The following CCDC81 variants were observed in gnomAD, a reference collection of about 807,000 sequenced individuals.
The protein encoded by CCDC81 is coiled-coil domain-containing protein 81.
CCDC81 carries 79 observed loss-of-function variants against 83.7 expected under a neutral mutation model. That is an observed-to-expected ratio of 0.94 (90% confidence interval 0.79 to 1.14). The LOEUF is 1.14. CCDC81 is among the 50% of genes most tolerant of loss of function. CCDC81 has a pLI of 0.00. For missense variants in CCDC81, 791 were observed against 778.1 expected, an observed-to-expected ratio of 1.02 and a Z score of -0.20; for synonymous variants, 252 against 278.1, an observed-to-expected ratio of 0.91 and a Z score of 0.93.
At chr11:86,395,556 A>G (rs1199433950) in intron 5 of CCDC81, 143 bp downstream of exon 5, 2 of 635,464 alleles carry the variant, frequency 3.1e-6, no homozygotes, top group East Asian at 5.6e-5. Context: ...TAAATCCACC[A>G]ACAAAGAAGA....
intron 6 of CCDC81, among the ~76,000 whole-genome samples, chr11:86,400,084 T>C (rs886213428): frequency 6.7e-6 from 1 of 149,808 alleles, no homozygotes; most frequent in Admixed American, 6.7e-5. Context: ...TGAGCTGAGA[T>C]TGGGTTACTG....
Position 86,398,688 on chromosome 11 carries a change from G to A in CCDC81, c.757+946G>A, listed in dbSNP as rs141009554. ...GCGTCCAAGCTATTCTCCTGCATCA[G>A]CCTCCCTGGAAGTAGCTGGGACTAC... is the stretch of plus-strand genomic sequence containing the variant. On this transcript the variant is annotated intron_variant, in intron 6 of 14. Transcript: ENST00000445632. 3.5e-3 allele frequency among the ~76,000 whole-genome samples: 531 copies of A among 152,222 alleles called. 4 individuals carry two copies. Among genetic ancestry groups the A allele is most frequent in the South Asian group, 0.016 (79 of 4,824 alleles).
rs1376878121 is a variant in CCDC81, at chr11:86,414,817, A to G, written c.1420A>G (p.Lys474Glu). The change falls in exon 12 of 15, where the codon AAA becomes GAA. Residue 474 changes from lysine (K) to glutamate (E), a missense_variant. Coordinates refer to ENST00000445632, the MANE Select transcript of CCDC81 (RefSeq NM_001156474.2). Reference protein sequence around the residue: ...ELAAQRAKFLKDKMEETQCYK... With the variant: ...ELAAQRAKFLEDKMEETQCYK... ...TGCTGCGCAAAGAGCGAAATTTTTAAAAGATAAGATGGAAGAAACACAGTG... is the reference window on the plus strand; with the variant it reads ...TGCTGCGCAAAGAGCGAAATTTTTAGAAGATAAGATGGAAGAAACACAGTG... 1.2e-6 allele frequency: 2 copies of G among 1,611,884 alleles called. No individual in the cohort carries two copies. Among genetic ancestry groups the G allele is most frequent in the Non-Finnish European group, 8.5e-7 (1 of 1,179,628 alleles).
At chr11:86,382,438 C>G (rs1472927293) in intron 1 of CCDC81, among the ~76,000 whole-genome samples, 1 of 152,042 alleles carries the variant, frequency 6.6e-6, no homozygotes, top group Non-Finnish European at 1.5e-5. Flanking sequence ...CTTCTGAGTT[C>G]CTGGCTCATA....
chr11:86,397,464 A>G (rs1317032998), intron 5 of CCDC81, among the ~76,000 whole-genome samples, 157 bp from the exon 6 acceptor site: 1 of 152,240 alleles, frequency 6.6e-6, no homozygotes, highest in Non-Finnish European at 1.5e-5. Flanking sequence ...AAATTAATCT[A>G]TGATATGTAC....
intron 2 of CCDC81, among the ~76,000 whole-genome samples, chr11:86,386,980 T>C (rs1344056170): frequency 6.6e-6 from 1 of 152,306 alleles, no homozygotes; most frequent in South Asian, 2.1e-4. Flanking sequence ...TTTGTAGTTC[T>C]TGATGAATGA....
Position 86,412,515 on chromosome 11 carries a change from C to G in CCDC81, c.1347C>G (p.Tyr449Ter), listed in dbSNP as rs900372520. The change falls in exon 11 of 15, where the codon TAC becomes TAG. Residue 449 changes from tyrosine to a stop codon, truncating the protein, a stop_gained. Coordinates refer to ENST00000445632, the MANE Select transcript of CCDC81 (RefSeq NM_001156474.2). LOFTEE classifies it high-confidence loss of function. The part of the protein sequence containing the change: ...RQENEIKQRQ[Y>*]RELMDRLEQV... ...AAAACGAAATAAAGCAAAGACAATA[C>G]AGAGAGTTGATGGACCGCCTGGAAC... The G allele has an allele frequency of 1.7e-5, 27 of 1,613,452 alleles. No homozygotes were observed. Among genetic ancestry groups the G allele is most frequent in the Non-Finnish European group, 2.3e-5 (27 of 1,179,774 alleles).
intron 1 of CCDC81, 50 bp from the exon 2 acceptor site, chr11:86,386,001 C>T (rs1476873557): frequency 1.1e-6 from 1 of 883,128 alleles, no homozygotes. Context: ...GATACTGTCA[C>T]ATGGGTGCGC....
At chr11:86,380,268 A>G (rs1018976113) in intron 1 of CCDC81, among the ~76,000 whole-genome samples, 3 of 152,110 alleles carry the variant, frequency 2.0e-5, no homozygotes, top group African/African-American at 7.2e-5. Flanking sequence ...GAAATGTCTT[A>G]TGGTACTCTC....
intron 1 of CCDC81, among the ~76,000 whole-genome samples, chr11:86,377,726 C>T (rs1407016553): frequency 6.6e-6 from 1 of 152,008 alleles, no homozygotes; most frequent in Admixed American, 6.6e-5. Flanking sequence ...CTTGTCTTCT[C>T]ATTCTCTTGA....
chr11:86,418,302 C>A (rs541534485), intron 13 of CCDC81, among the ~76,000 whole-genome samples: 1 of 151,962 alleles, frequency 6.6e-6, no homozygotes, highest in Non-Finnish European at 1.5e-5. Context: ...TATGGTGGTT[C>A]CTCAAAAAAT....
Position 86,410,187 on chromosome 11 carries a change from T to G in CCDC81, c.1218+822T>G, listed in dbSNP as rs558960840. 3.3e-4 allele frequency among the ~76,000 whole-genome samples: 51 copies of G among 152,344 alleles called. No individual in the cohort carries two copies. In the South Asian group the frequency reaches 9.3e-3, roughly 28 times the overall value. ...TGTTTTCAATCATCATGTGCCTACC[T>G]TTATTTCTGCCTGAATCTTCCTCTT... On this transcript the variant is annotated intron_variant, in intron 10 of 14. Coordinates refer to ENST00000445632, the MANE Select transcript of CCDC81 (RefSeq NM_001156474.2).
In CCDC81 at chr11:86,387,482, A is replaced by T. The variant is rs201456437; in HGVS notation, c.142-34A>T. On this transcript the variant is annotated intron_variant, in intron 2 of 14. Coordinates refer to ENST00000445632, the MANE Select transcript of CCDC81 (RefSeq NM_001156474.2). ...GGATTATTTTTTCTTCACTCCTTCAATGAATTCTGTTTTGTTTTGTTTTTT... is the reference window on the plus strand; with the variant it reads ...GGATTATTTTTTCTTCACTCCTTCATTGAATTCTGTTTTGTTTTGTTTTTT... 3.7e-6 allele frequency: 6 copies of T among 1,605,700 alleles called. No homozygotes were observed. The African/African-American group carries it at 5.4e-5, about 14-fold the overall frequency.
chr11:86,418,321 G>T (rs1359457386), intron 13 of CCDC81, among the ~76,000 whole-genome samples: 1 of 152,132 alleles, frequency 6.6e-6, no homozygotes, highest in East Asian at 1.9e-4. Flanking sequence ...ATTAAAAATA[G>T]AACTACTGTA....
In CCDC81 at chr11:86,419,960, G is replaced by A. The variant is rs150352880; in HGVS notation, c.1724G>A (p.Arg575Gln). 1.0e-4 allele frequency: 165 copies of A among 1,613,666 alleles called. No homozygotes were observed. Among genetic ancestry groups the A allele is most frequent in the Admixed American group, 1.3e-4 (8 of 59,982 alleles). Residue 575 changes from arginine (R) to glutamine (Q), a missense_variant, in exon 14 of 15, where the codon CGA (arginine) becomes CAA (glutamine). Arg to Gln is a conservative substitution (Grantham distance 43). Coordinates refer to ENST00000445632, the MANE Select transcript of CCDC81 (RefSeq NM_001156474.2). ...GCAGACAGAACCGCTGAGCTGGAGC[G>A]AGTAAATAGAGTCAACCAATGCTTA... ...HLADRTAELERVNRVNQCLQE... is the reference protein window; with the variant it reads ...HLADRTAELEQVNRVNQCLQE...
intron 1 of CCDC81, among the ~76,000 whole-genome samples, chr11:86,380,848 T>G (rs941252915): frequency 1.3e-5 from 2 of 152,256 alleles, no homozygotes; most frequent in African/African-American, 4.8e-5. Flanking sequence ...CTGTCTACTA[T>G]ATCCGTTAGA....
chr11:86,422,232 G>A (rs964527553), intron 14 of CCDC81, among the ~76,000 whole-genome samples: 5 of 152,304 alleles, frequency 3.3e-5, no homozygotes, highest in African/African-American at 9.6e-5. Context: ...AGGTAGAGGT[G>A]TAATCCACGT....
At chr11:86,396,740 C>T (rs1015079893) in intron 5 of CCDC81, among the ~76,000 whole-genome samples, 2 of 152,170 alleles carry the variant, frequency 1.3e-5, no homozygotes, top group Non-Finnish European at 2.9e-5. Flanking sequence ...AACCATGGCT[C>T]CTGGTCCAGT....
chr11:86,402,134 C>CAAAAAA (rs540502448), intron 7 of CCDC81, among the ~76,000 whole-genome samples: 13 of 88,748 alleles, frequency 1.5e-4, no homozygotes, highest in East Asian at 3.1e-4. Flanking sequence ...GACTCTGTCT[C>CAAAAAA]AAAAAAAAAA....
Sources: gnomAD v4.1 joint callset for allele counts (sites outside exome capture counted in the v4.1 genomes callset) on GRCh38, gnomAD v4.1.1 for gene constraint, MANE v1.5 for transcripts, NCBI Gene and HGNC (gene_info 2026-07-23, HGNC 2026-07-21) for gene names.